Variants in NALCN observed in about 807,000 individuals in gnomAD.
NALCN encodes sodium leak channel NALCN.
A neutral mutation model predicts 225.3 loss-of-function variants in NALCN; 111 were observed. That is an observed-to-expected ratio of 0.49 (90% CI 0.42 to 0.58). The LOEUF (loss-of-function observed/expected upper bound fraction) is 0.58, where lower values mean the gene tolerates loss of function less well. Ranked by LOEUF, NALCN falls within the 20% of genes least tolerant of loss-of-function variation. NALCN has a pLI of 0.00. For missense variants in NALCN, 1,378 were observed against 2,202.4 expected, an observed-to-expected ratio of 0.63 and a Z score of 7.49; for synonymous variants, 764 against 769.0, an observed-to-expected ratio of 0.99 and a Z score of 0.11.
chr13:101,150,572 T>C (rs1454170453), intron 15 of NALCN, among the ~76,000 whole-genome samples: 1 of 152,126 alleles, frequency 6.6e-6, no homozygotes, highest in African/African-American at 2.4e-5. Flanking sequence ...GGGGATGAGG[T>C]GACCATGATA....
chr13:101,181,486 C>T (rs72652920), intron 14 of NALCN: 6 of 371,080 alleles, frequency 1.6e-5, no homozygotes, highest in East Asian at 1.5e-4. Flanking sequence ...GTGACTCATG[C>T]GTGTAATCCT....
intron 12 of NALCN, among the ~76,000 whole-genome samples, chr13:101,235,625 T>C (rs1157675195): frequency 6.6e-6 from 1 of 152,164 alleles, no homozygotes; most frequent in Non-Finnish European, 1.5e-5. Context: ...GCCCCAGCCA[T>C]GTCACTTATG....
intron 14 of NALCN, among the ~76,000 whole-genome samples, chr13:101,182,800 G>A (rs2039293212): frequency 6.6e-6 from 1 of 152,170 alleles, no homozygotes; most frequent in Non-Finnish European, 1.5e-5. Context: ...TGCAGGGTGA[G>A]TCTGTAGCTG....
intron 26 of NALCN, among the ~76,000 whole-genome samples, chr13:101,101,293 T>TC (rs1219967420): frequency 1.4e-5 from 2 of 144,650 alleles, no homozygotes; most frequent in African/African-American, 5.1e-5. Context: ...TTTTTTTTTT[T>TC]TTTTTGAGAT....
intron 6 of NALCN, among the ~76,000 whole-genome samples, chr13:101,365,906 A>C (rs1278649477): frequency 1.3e-5 from 2 of 152,294 alleles, no homozygotes; most frequent in East Asian, 3.9e-4. Flanking sequence ...TACTTACCTT[A>C]AAGTTTTTCT....
At chr13:101,133,479 G>C (rs1401630551) in intron 17 of NALCN, among the ~76,000 whole-genome samples, 1 of 152,122 alleles carries the variant, frequency 6.6e-6, no homozygotes, top group East Asian at 1.9e-4. Flanking sequence ...AAGTTGTAGT[G>C]TAATTATTGT....
intron 7 of NALCN, among the ~76,000 whole-genome samples, chr13:101,312,462 A>G (rs1310550759): frequency 6.6e-6 from 1 of 151,148 alleles, no homozygotes; most frequent in Non-Finnish European, 1.5e-5. Flanking sequence ...TAGGGTGTCA[A>G]TTTTGGATCT....
At chr13:101,286,504 C>G (rs925488592) in intron 9 of NALCN, among the ~76,000 whole-genome samples, 1 of 152,092 alleles carries the variant, frequency 6.6e-6, no homozygotes, top group African/African-American at 2.4e-5. Flanking sequence ...CAAAGTGGAA[C>G]AGGAAGGAAG....
At chr13:101,221,376 CAA>C (rs1222159324) in intron 13 of NALCN, among the ~76,000 whole-genome samples, 1 of 152,130 alleles carries the variant, frequency 6.6e-6, no homozygotes, top group Non-Finnish European at 1.5e-5. Flanking sequence ...CTCAGCCTCT[CAA>C]AGTGCTGGGA....
chr13:101,335,423 T>C (rs568930222), intron 7 of NALCN, among the ~76,000 whole-genome samples: 4 of 152,276 alleles, frequency 2.6e-5, no homozygotes, highest in African/African-American at 9.6e-5. Context: ...TGATTCAAGA[T>C]ACAAGGATAA....
chr13:101,171,025 G>A (rs1395929341), intron 15 of NALCN, among the ~76,000 whole-genome samples: 1 of 151,682 alleles, frequency 6.6e-6, no homozygotes, highest in Non-Finnish European at 1.5e-5. Flanking sequence ...TGCATCACTT[G>A]AGCTTCACAG....
intron 14 of NALCN, among the ~76,000 whole-genome samples, chr13:101,186,386 A>G (rs1350936806): frequency 2.0e-5 from 3 of 152,216 alleles, no homozygotes; most frequent in African/African-American, 2.4e-5. Context: ...GTAGGTTAGT[A>G]CCTGCACGTG....
chr13:101,397,444 C>T (rs994363774), intron 2 of NALCN, among the ~76,000 whole-genome samples: 2 of 150,322 alleles, frequency 1.3e-5, no homozygotes, highest in African/African-American at 4.9e-5. Flanking sequence ...TATATGCATG[C>T]ACATATAAAT....
intron 1 of NALCN, among the ~76,000 whole-genome samples, chr13:101,413,008 A>G (rs911072080): frequency 6.6e-6 from 1 of 152,190 alleles, no homozygotes; most frequent in South Asian, 2.1e-4. Flanking sequence ...TGTAAAGGTC[A>G]AGTTTTTATA....
intron 40 of NALCN, among the ~76,000 whole-genome samples, chr13:101,063,869 A>T (rs1390563011): frequency 6.6e-6 from 1 of 151,848 alleles, no homozygotes; most frequent in Non-Finnish European, 1.5e-5. Context: ...AGTCGCTCTT[A>T]TTTTTTTCTG....
chr13:101,397,639 T>C (rs1050311823), intron 2 of NALCN, among the ~76,000 whole-genome samples: 19 of 151,414 alleles, frequency 1.3e-4, no homozygotes, highest in Non-Finnish European at 2.7e-4. Context: ...TGTTTATATG[T>C]ATGTGTATAT....
rs75141208 is a variant in NALCN at position 101,288,754 on chromosome 13, T to C, written c.1047+3236A>G. Among the ~76,000 whole-genome samples, 5 of 152,244 alleles carry C rather than the reference T, an allele frequency of 3.3e-5. No individual in the cohort carries two copies. In the East Asian group the frequency reaches 9.6e-4, roughly 29 times the overall value. On this transcript the variant is annotated intron_variant, in intron 9 of 43. Coordinates refer to ENST00000251127, the MANE Select transcript of NALCN (RefSeq NM_052867.4). ...ATCCTATTGGATTATGATTCATTTA[T>C]AAAAGTTAGATATGTATTGACTGTC...
At chr13:101,297,805 T>C (rs1435791607) in intron 7 of NALCN, among the ~76,000 whole-genome samples, 1 of 152,224 alleles carries the variant, frequency 6.6e-6, no homozygotes, top group Non-Finnish European at 1.5e-5. Flanking sequence ...TGTCTGGGAA[T>C]AGACTTTCAT....
intron 7 of NALCN, among the ~76,000 whole-genome samples, chr13:101,332,703 A>C (rs1185165310): frequency 1.3e-5 from 2 of 152,238 alleles, no homozygotes; most frequent in Non-Finnish European, 2.9e-5. Flanking sequence ...TTCTCTAAAG[A>C]TTATTTTGCA....
Sources: allele counts gnomAD v4.1 joint callset (sites outside exome capture counted in the v4.1 genomes callset), GRCh38; gene constraint gnomAD v4.1.1; transcripts MANE v1.5; gene names NCBI Gene and HGNC (gene_info 2026-07-23, HGNC 2026-07-21).